Variants in KITLG observed in about 807,000 individuals in gnomAD.
The protein encoded by KITLG is KIT ligand, also known as c-Kit ligand.
KITLG carries 13 observed loss-of-function variants against 34.1 expected under a neutral mutation model. That is an observed-to-expected ratio of 0.38 (90% CI 0.25 to 0.61). KITLG has a LOEUF of 0.61. KITLG is among the 20% of genes least tolerant of loss of function. KITLG has a pLI of 0.60. For synonymous variants in KITLG, 110 were observed against 104.0 expected (o/e 1.06, Z -0.35); for missense variants, 292 against 318.9 (o/e 0.92, Z 0.64).
chr12:88,527,289 T>C (rs1037093839), intron 3 of KITLG, among the ~76,000 whole-genome samples: 1 of 152,198 alleles, frequency 6.6e-6, no homozygotes, highest in Admixed American at 6.5e-5. Flanking sequence ...TATTTCTTTT[T>C]AAATCACTCT....
At chr12:88,533,039 C>T (rs903260628) in intron 2 of KITLG, among the ~76,000 whole-genome samples, 2 of 151,884 alleles carry the variant, frequency 1.3e-5, no homozygotes, top group Admixed American at 6.6e-5. Flanking sequence ...TTATGTTGAA[C>T]CTAAAAAATG....
intron 3 of KITLG, among the ~76,000 whole-genome samples, chr12:88,519,750 G>A (rs1869590021): frequency 6.6e-6 from 1 of 152,030 alleles, no homozygotes; most frequent in Non-Finnish European, 1.5e-5. Flanking sequence ...AGCCTCCCAA[G>A]TAGCTGGCAC....
At chr12:88,538,872 A>T (rs1034151687) in intron 2 of KITLG, among the ~76,000 whole-genome samples, 2 of 152,168 alleles carry the variant, frequency 1.3e-5, no homozygotes, top group Admixed American at 1.3e-4. Flanking sequence ...TAAAATAAAA[A>T]ACTGCAAAAA....
rs528257611 is a variant in KITLG, at chr12:88,504,091, T to A, written c.*37+1068A>T. On this transcript the variant is annotated intron_variant, in intron 9 of 9. Coordinates refer to ENST00000644744, the MANE Select transcript of KITLG (RefSeq NM_000899.5). ...ATTAATTTTCTGGTCTCAAAAACAG[T>A]CTAAGTAAACATACAACTGTTAATT... 5.9e-5 allele frequency among the ~76,000 whole-genome samples: 9 copies of A among 152,260 alleles called. No homozygotes were observed. The South Asian group carries it at 6.2e-4, about 11-fold the overall frequency.
chr12:88,546,307 T>G (rs1417639349), intron 1 of KITLG, among the ~76,000 whole-genome samples: 1 of 152,214 alleles, frequency 6.6e-6, no homozygotes, highest in Non-Finnish European at 1.5e-5. Flanking sequence ...AATCCAATAA[T>G]CTACAATAGC....
chr12:88,572,548 TAAG>T (rs893118102), intron 1 of KITLG, among the ~76,000 whole-genome samples: 39 of 147,374 alleles, frequency 2.6e-4, no homozygotes, highest in Non-Finnish European at 2.2e-4. Flanking sequence ...GGGCAGGGGC[TAAG>T]AATAAATATA....
chr12:88,552,277 T>A (rs1870944095), intron 1 of KITLG, among the ~76,000 whole-genome samples: 1 of 151,350 alleles, frequency 6.6e-6, no homozygotes, highest in African/African-American at 2.4e-5. Flanking sequence ...CAGATTCAAG[T>A]GATTCTCCTG....
chr12:88,533,713 T>G (rs1185007410), intron 2 of KITLG, among the ~76,000 whole-genome samples: 1 of 152,190 alleles, frequency 6.6e-6, no homozygotes, highest in Non-Finnish European at 1.5e-5. Context: ...ATCTTCCTTA[T>G]AGAAAGCTAA....
At chr12:88,506,161 G>C (rs978208421) in intron 8 of KITLG, 150 bp downstream of exon 8, 1 of 669,952 alleles carries the variant, frequency 1.5e-6, no homozygotes, top group Non-Finnish European at 2.7e-6. Flanking sequence ...GAGAGAGTGA[G>C]ACATCAGAAA....
intron 3 of KITLG, among the ~76,000 whole-genome samples, chr12:88,520,311 G>C (rs764467840): frequency 2.6e-5 from 4 of 152,144 alleles, no homozygotes; most frequent in Admixed American, 1.3e-4. Flanking sequence ...TCTTTCCTTG[G>C]ATGCTGAATT....
intron 2 of KITLG, among the ~76,000 whole-genome samples, chr12:88,537,134 T>C (rs1870349437): frequency 2.6e-5 from 4 of 152,082 alleles, no homozygotes; most frequent in Non-Finnish European, 5.9e-5. Flanking sequence ...GCTGGGTGTA[T>C]ATCCAAAATA....
At chr12:88,546,077 A>T (rs1870710904) in intron 1 of KITLG, 1 of 648,298 alleles carries the variant, frequency 1.5e-6, no homozygotes, top group Non-Finnish European at 2.8e-6. Flanking sequence ...TCTCAATGAC[A>T]ATATTGTTAA....
chr12:88,574,267 G>C (rs1871752861), intron 1 of KITLG, among the ~76,000 whole-genome samples: 1 of 148,120 alleles, frequency 6.8e-6, no homozygotes, highest in Non-Finnish European at 1.5e-5. Flanking sequence ...AGAAAAGACT[G>C]CCATAGCTTC....
chr12:88,511,054 A>G (rs1353935153), intron 6 of KITLG, among the ~76,000 whole-genome samples: 1 of 152,190 alleles, frequency 6.6e-6, no homozygotes, highest in Non-Finnish European at 1.5e-5. Flanking sequence ...CTGACAATGC[A>G]AGACTCAAAA....
intron 6 of KITLG, among the ~76,000 whole-genome samples, chr12:88,508,264 G>A (rs11610915): frequency 0.035 from 5,235 of 151,644 alleles, 150 homozygotes; most frequent in Non-Finnish European, 0.055. Flanking sequence ...CTTCCAACAT[G>A]AAACTTATTT....
chr12:88,536,475 C>T (rs1321230289), intron 2 of KITLG, among the ~76,000 whole-genome samples: 1 of 152,092 alleles, frequency 6.6e-6, no homozygotes, highest in African/African-American at 2.4e-5. Context: ...CCCAGCGATC[C>T]CATTACTGGG....
At position 88,505,225 on chromosome 12, in the gene KITLG, C is replaced by T. The variant is rs1869012744; in HGVS notation, c.793G>A (p.Glu265Lys). 1.9e-6 allele frequency: 3 copies of T among 1,610,460 alleles called. No individual in the cohort carries two copies. Among genetic ancestry groups the T allele is most frequent in the African/African-American group, 2.7e-5 (2 of 74,832 alleles). ...EEDNEISMLQ[E>K]KEREFQEV ...ACTTCTTGAAACTCTCTCTCTTTCT[C>T]TTGCAACATACTGAAAAACAATAAG... Residue 265 changes from glutamate (E) to lysine (K), a missense_variant, in exon 9 of 10, where the codon GAG (glutamate) becomes AAG (lysine). Transcript: ENST00000644744.
At position 88,494,465 on chromosome 12, in the gene KITLG, T is replaced by G. The variant is rs543712499; in HGVS notation, c.*2754A>C. On this transcript the variant is annotated 3_prime_UTR_variant, in exon 10 of 10. Transcript: ENST00000644744. ...AAACCAATACTTCATTAGGTATGCA[T>G]ATTTTTTCATAATTTTCTTTTCACA... is the stretch of plus-strand genomic sequence containing the variant. The G allele has an allele frequency of 6.6e-6, 1 of 152,482 alleles. No homozygotes were observed. Among genetic ancestry groups the G allele is most frequent in the South Asian group, 2.1e-4 (1 of 4,820 alleles). The allele number at this position is 152,482 out of a possible 1,614,324, so 9.4% of individuals were successfully genotyped here.
At chr12:88,505,507 G>A (rs1049845821) in intron 8 of KITLG, among the ~76,000 whole-genome samples, 1 of 152,092 alleles carries the variant, frequency 6.6e-6, no homozygotes, top group Non-Finnish European at 1.5e-5. Flanking sequence ...ATGTGTCTGT[G>A]TATACATACA....
Sources: allele counts gnomAD v4.1 joint callset (sites outside exome capture counted in the v4.1 genomes callset), GRCh38; gene constraint gnomAD v4.1.1; transcripts MANE v1.5; gene names NCBI Gene and HGNC (gene_info 2026-07-23, HGNC 2026-07-21).